Variants in NUP93 observed in about 807,000 individuals in gnomAD.
NUP93 encodes the protein nuclear pore complex protein Nup93.
In NUP93, 55 loss-of-function variants were observed where a neutral mutation model predicts 107.8. The ratio of observed to expected loss-of-function variants is 0.51; its 90% CI spans 0.41 to 0.64. NUP93 has a LOEUF of 0.64. NUP93 is among the 30% of genes least tolerant of loss of function. NUP93 has a pLI of 0.00. For synonymous variants in NUP93, 390 were observed against 397.5 expected (o/e 0.98, Z 0.22); for missense variants, 937 against 1,044.7 (o/e 0.90, Z 1.42).
At chr16:56,739,765 A>C (rs1597100030) in intron 1 of NUP93, among the ~76,000 whole-genome samples, 5 of 82,788 alleles carry the variant, frequency 6.0e-5, no homozygotes, top group South Asian at 1.2e-3. Context: ...CTGGCCGGGC[A>C]GAGGGGCTCC....
intron 3 of NUP93, chr16:56,783,556 C>T (rs1254407243): frequency 1.0e-6 from 1 of 985,304 alleles, no homozygotes; most frequent in African/African-American, 1.7e-5. Flanking sequence ...GGAGATGACT[C>T]AATTATCCAC....
chr16:56,807,966 T>TGA lies in NUP93; in HGVS notation c.489+2336_489+2337dup, dbSNP rs1167153129. Among the ~76,000 whole-genome samples the TGA allele has an allele frequency of 5.3e-5, 8 of 149,944 alleles. No homozygotes were observed. In the East Asian group the frequency reaches 1.6e-3, roughly 29 times the overall value. ...GAACCAGGGGAGTCGGAGGTCGCAG[T>TGA]GAGCTGAGATCCCGCCACTGCACTC... On this transcript the variant is annotated intron_variant, in intron 5 of 21. Transcript: ENST00000308159.
chr16:56,801,152 A>G (rs1963011905), intron 4 of NUP93, among the ~76,000 whole-genome samples: 1 of 152,060 alleles, frequency 6.6e-6, no homozygotes, highest in African/African-American at 2.4e-5. Context: ...ACCTCACCTT[A>G]GACTCTCATT....
At chr16:56,796,666 T>C (rs1962905050) in intron 3 of NUP93, among the ~76,000 whole-genome samples, 1 of 152,220 alleles carries the variant, frequency 6.6e-6, no homozygotes, top group South Asian at 2.1e-4. Flanking sequence ...GTATTACATT[T>C]TCCCACAGTT....
At chr16:56,814,050 T>C (rs1297916883) in intron 5 of NUP93, among the ~76,000 whole-genome samples, 2 of 152,234 alleles carry the variant, frequency 1.3e-5, no homozygotes, top group Non-Finnish European at 2.9e-5. Context: ...TTAATCACCG[T>C]GTTTCCATTT....
rs932989436 is a variant in NUP93, at chr16:56,836,581, T to A, written c.1783-20T>A. ...GCACCCGTCTCTCTCTTCCTCCCCC[T>A]CCATAATTTGTCTTGTCAGCCTGGA... On this transcript the variant is annotated intron_variant, in intron 16 of 21. Coordinates refer to ENST00000308159, the MANE Select transcript of NUP93 (RefSeq NM_014669.5). 5.6e-6 allele frequency: 8 copies of A among 1,425,142 alleles called. No homozygotes were observed. The Admixed American group carries it at 1.2e-4, about 21-fold the overall frequency. 88.3% of individuals were successfully genotyped at this position (1,425,142 alleles called of 1,614,324 possible). A position where few individuals can be genotyped will look rare whatever the true frequency, so the allele number is the denominator to read the frequency against.
chr16:56,808,513 T>C lies in NUP93; in HGVS notation c.489+2881T>C, dbSNP rs192946445. ...ATGTAACTATATAAATATATAGTTA[T>C]GTAACTATATATAAATATAGTTATA... On this transcript the variant is annotated intron_variant, in intron 5 of 21. Coordinates refer to ENST00000308159, the MANE Select transcript of NUP93 (RefSeq NM_014669.5). Among the ~76,000 whole-genome samples the C allele has an allele frequency of 2.9e-3, 353 of 120,886 alleles. 22 individuals carry two copies. The highest frequency in any genetic ancestry group is 9.1e-3 in the African/African-American group (256 of 28,122). 79.3% of individuals were successfully genotyped at this position (120,886 alleles called of 152,430 possible). A position where few individuals can be genotyped will look rare whatever the true frequency, so the allele number is the denominator to read the frequency against.
At chr16:56,819,803 A>G (rs916615118) in intron 6 of NUP93, among the ~76,000 whole-genome samples, 3 of 152,112 alleles carry the variant, frequency 2.0e-5, no homozygotes, top group African/African-American at 7.2e-5. Context: ...AAATTTTCTA[A>G]ATGTCTTTTT....
intron 3 of NUP93, among the ~76,000 whole-genome samples, chr16:56,795,112 T>A (rs1305996569): frequency 6.6e-6 from 1 of 150,840 alleles, no homozygotes; most frequent in Non-Finnish European, 1.5e-5. Flanking sequence ...GGTAATCCCC[T>A]CCCCTCTCCC....
rs781356800 is a variant in NUP93 at position 56,748,442 on chromosome 16, G to A, written c.179+16G>A. 1 of 1,604,408 alleles carries A rather than the reference G, an allele frequency of 6.2e-7. No individual in the cohort carries two copies. The highest frequency in any genetic ancestry group is 1.7e-5 in the Admixed American group (1 of 59,646). Reference sequence around the variant, plus strand: ...ATGTCAAGGCGTGAGTACTGGTAGGGAGACAGCATTAGTACTGGGTGGCTT... The same window carrying A: ...ATGTCAAGGCGTGAGTACTGGTAGGAAGACAGCATTAGTACTGGGTGGCTT... On this transcript the variant is annotated intron_variant, in intron 2 of 21. Coordinates refer to ENST00000308159, the MANE Select transcript of NUP93 (RefSeq NM_014669.5).
chr16:56,804,884 C>T (rs540577211), intron 4 of NUP93, among the ~76,000 whole-genome samples: 8 of 142,604 alleles, frequency 5.6e-5, no homozygotes, highest in South Asian at 2.2e-4. Flanking sequence ...CCAGCCTGGG[C>T]GACAGAGTGA....
chr16:56,800,934 C>T (rs188094838), intron 4 of NUP93, among the ~76,000 whole-genome samples: 1 of 152,306 alleles, frequency 6.6e-6, no homozygotes, highest in African/African-American at 2.4e-5. Context: ...CAATTCTTCC[C>T]ATGCTTTTTT....
intron 1 of NUP93, among the ~76,000 whole-genome samples, chr16:56,744,900 C>T (rs1961796488): frequency 6.6e-6 from 1 of 152,146 alleles, no homozygotes; most frequent in South Asian, 2.1e-4. Flanking sequence ...GCCCATTTGG[C>T]AAAGGAGTGC....
intron 18 of NUP93, among the ~76,000 whole-genome samples, chr16:56,838,314 C>T (rs1311850601): frequency 1.3e-5 from 2 of 152,206 alleles, no homozygotes; most frequent in Non-Finnish European, 2.9e-5. Flanking sequence ...TGAGATATCT[C>T]CACCTAGCAA....
chr16:56,819,102 C>T (rs1963493148), intron 6 of NUP93, among the ~76,000 whole-genome samples: 1 of 152,160 alleles, frequency 6.6e-6, no homozygotes, highest in Non-Finnish European at 1.5e-5. Flanking sequence ...ATCCTTTTTT[C>T]ACTCTTTGTT....
chr16:56,789,884 A>G (rs1962717773), intron 3 of NUP93, among the ~76,000 whole-genome samples: 1 of 152,210 alleles, frequency 6.6e-6, no homozygotes, highest in Non-Finnish European at 1.5e-5. Context: ...GGATCACCTA[A>G]GGTCAGGCGT....
At chr16:56,805,062 G>T (rs1465667021) in intron 4 of NUP93, among the ~76,000 whole-genome samples, 4 of 151,926 alleles carry the variant, frequency 2.6e-5, no homozygotes. Flanking sequence ...TTGGAGTGCA[G>T]TTTTTTTTGT....
At chr16:56,830,276 C>G (rs1395063879) in intron 9 of NUP93, among the ~76,000 whole-genome samples, 1 of 152,156 alleles carries the variant, frequency 6.6e-6, no homozygotes. Context: ...GGGTACAAAG[C>G]ACTTCAGAGG....
intron 3 of NUP93, among the ~76,000 whole-genome samples, chr16:56,759,358 GA>G (rs1459819528): frequency 1.3e-5 from 2 of 152,204 alleles, no homozygotes; most frequent in Non-Finnish European, 2.9e-5. Context: ...AAAATGAGAG[GA>G]TGCCTTCTGC....
Sources: allele counts gnomAD v4.1 joint callset (sites outside exome capture counted in the v4.1 genomes callset), GRCh38; gene constraint gnomAD v4.1.1; transcripts MANE v1.5; gene names NCBI Gene and HGNC (gene_info 2026-07-23, HGNC 2026-07-21).